Variants in KCNH1 observed in about 807,000 individuals in gnomAD.
KCNH1 encodes potassium voltage-gated channel subfamily H member 1, also known as voltage-gated delayed rectifier potassium channel KCNH1.
Under a neutral mutation model 69.2 loss-of-function variants are expected in KCNH1, and 27 were observed. The ratio of observed to expected loss-of-function variants is 0.39; its 90% CI spans 0.29 to 0.54. The LOEUF (loss-of-function observed/expected upper bound fraction) is 0.54. Among genes scored for constraint, KCNH1 ranks in the 20% least tolerant of loss-of-function variants. The pLI, the probability that KCNH1 is intolerant of heterozygous loss-of-function variation, is 0.68. For synonymous variants in KCNH1, 456 were observed against 487.7 expected (o/e 0.93, Z 0.86); for missense variants, 798 against 1,261.6 (o/e 0.63, Z 5.57).
chr1:210,797,858 C>A, intron 8 of KCNH1, 98 bp from the exon 9 acceptor site: 1 of 1,367,866 alleles, frequency 7.3e-7, no homozygotes, highest in South Asian at 1.4e-5. Context: ...TCCACTACGC[C>A]AGACTGCACT....
At chr1:210,889,617 C>T (rs969534214) in intron 7 of KCNH1, among the ~76,000 whole-genome samples, 2 of 152,204 alleles carry the variant, frequency 1.3e-5, no homozygotes, top group Non-Finnish European at 2.9e-5. Flanking sequence ...GTCAAATTGT[C>T]TCTGTTTGCA....
chr1:210,821,777 A>C (rs1025375213), intron 7 of KCNH1, among the ~76,000 whole-genome samples: 3 of 151,728 alleles, frequency 2.0e-5, no homozygotes, highest in African/African-American at 7.3e-5. Flanking sequence ...TTGGACAACC[A>C]CTTGGTCCAA....
At position 211,107,474 on chromosome 1, in the gene KCNH1, T is replaced by C. The variant is rs548434706; in HGVS notation, c.80-97A>G. On this transcript the variant is annotated intron_variant, in intron 1 of 10. Transcript: ENST00000271751. ...AAATAATGTCAAGCAATCCAGATAT[T>C]TCTGATTCCCTCCAAAACATAGACT... 8.1e-6 allele frequency: 10 copies of C among 1,237,612 alleles called. No individual in the cohort carries two copies. In the African/African-American group the frequency reaches 1.5e-4, roughly 19 times the overall value. 76.7% of individuals were successfully genotyped at this position (1,237,612 alleles called of 1,614,324 possible).
chr1:210,798,820 TG>T (rs1200771231), intron 8 of KCNH1, among the ~76,000 whole-genome samples: 1 of 152,200 alleles, frequency 6.6e-6, no homozygotes, highest in African/African-American at 2.4e-5. Context: ...GATCTACTGA[TG>T]GACTGAATAT....
intron 10 of KCNH1, among the ~76,000 whole-genome samples, chr1:210,734,950 G>A (rs1276134699): frequency 6.6e-6 from 1 of 152,108 alleles, no homozygotes; most frequent in African/African-American, 2.4e-5. Context: ...AAAGCCCTTT[G>A]GTAGCTCCTA....
chr1:210,852,136 C>T (rs1685719877), intron 7 of KCNH1, among the ~76,000 whole-genome samples: 2 of 152,142 alleles, frequency 1.3e-5, no homozygotes, highest in African/African-American at 4.8e-5. Flanking sequence ...TCTGGAGGTA[C>T]AGAAAGCATC....
rs1571639202 is a variant in KCNH1, at chr1:211,090,841, A to T, written c.311-151T>A. On this transcript the variant is annotated intron_variant, in intron 3 of 10. Coordinates refer to ENST00000271751, the MANE Select transcript of KCNH1 (RefSeq NM_172362.3). ...CAAGTGCTGGGTTATCACACCATAA[A>T]TTTTTTTTCTTGCTGGAATAAAAAC... The T allele has an allele frequency of 1.1e-5, 8 of 709,984 alleles. No individual in the cohort carries two copies. In the East Asian group the frequency reaches 2.6e-4, roughly 23 times the overall value. 44.0% of individuals were successfully genotyped at this position (709,984 alleles called of 1,614,324 possible).
intron 6 of KCNH1, among the ~76,000 whole-genome samples, chr1:210,960,784 G>C (rs575934525): frequency 6.6e-6 from 1 of 151,998 alleles, no homozygotes; most frequent in Non-Finnish European, 1.5e-5. Context: ...CAAGTAGCAG[G>C]GTCACATAAT....
intron 7 of KCNH1, among the ~76,000 whole-genome samples, chr1:210,917,297 AACAC>A (rs982943863): frequency 1.3e-5 from 2 of 150,938 alleles, no homozygotes; most frequent in African/African-American, 2.4e-5. Context: ...AAGAAAGAGA[AACAC>A]AGAGAGAGAG....
intron 10 of KCNH1, among the ~76,000 whole-genome samples, chr1:210,705,336 A>C (rs1681882729): frequency 6.6e-6 from 1 of 152,172 alleles, no homozygotes; most frequent in African/African-American, 2.4e-5. Context: ...CAGGCCTCAC[A>C]AGTCTCTCCT....
At chr1:210,713,344 C>CTTAA (rs1682124808) in intron 10 of KCNH1, among the ~76,000 whole-genome samples, 1 of 152,148 alleles carries the variant, frequency 6.6e-6, no homozygotes. Flanking sequence ...GTACCTAGCC[C>CTTAA]TTAATTCCCA....
chr1:210,835,289 G>C (rs575171657), intron 7 of KCNH1, among the ~76,000 whole-genome samples: 2 of 90,872 alleles, frequency 2.2e-5, no homozygotes, highest in East Asian at 4.6e-4. Flanking sequence ...TATTTTGTGA[G>C]ACCAAGTATT....
At chr1:210,949,425 T>G (rs1432875884) in intron 6 of KCNH1, among the ~76,000 whole-genome samples, 2 of 152,202 alleles carry the variant, frequency 1.3e-5, no homozygotes, top group South Asian at 2.1e-4. Context: ...CTCCAAGAAG[T>G]CTTCCTGCAT....
At chr1:210,792,382 T>G (rs1485034364) in intron 9 of KCNH1, among the ~76,000 whole-genome samples, 2 of 152,234 alleles carry the variant, frequency 1.3e-5, no homozygotes, top group African/African-American at 4.8e-5. Flanking sequence ...GCCTAACCTC[T>G]GCCTTCCTTT....
chr1:210,892,886 T>C (rs1014796348), intron 7 of KCNH1, among the ~76,000 whole-genome samples: 2 of 152,206 alleles, frequency 1.3e-5, no homozygotes, highest in Non-Finnish European at 1.5e-5. Flanking sequence ...ATATAGTCCC[T>C]GCCCTAAAGC....
chr1:211,073,830 A>G (rs983728460), intron 5 of KCNH1, among the ~76,000 whole-genome samples: 1 of 152,088 alleles, frequency 6.6e-6, no homozygotes, highest in Admixed American at 6.5e-5. Flanking sequence ...AATCCAAAGT[A>G]AGCAGAAGAA....
intron 7 of KCNH1, among the ~76,000 whole-genome samples, chr1:210,849,182 C>T (rs1685627354): frequency 6.6e-6 from 1 of 152,072 alleles, no homozygotes; most frequent in Non-Finnish European, 1.5e-5. Context: ...ATCCTATAAA[C>T]ATTCTACTAT....
intron 6 of KCNH1, among the ~76,000 whole-genome samples, chr1:210,997,836 G>A (rs1049952523): frequency 5.9e-5 from 9 of 152,242 alleles, no homozygotes; most frequent in African/African-American, 1.7e-4. Flanking sequence ...CTACAAGCCA[G>A]AAGAGAGTGG....
intron 1 of KCNH1, among the ~76,000 whole-genome samples, chr1:211,112,836 T>A (rs1464477030): frequency 6.6e-6 from 1 of 152,138 alleles, no homozygotes; most frequent in Non-Finnish European, 1.5e-5. Context: ...TCTTCCCCCA[T>A]CCCTTCCCCA....
Sources: allele counts gnomAD v4.1 joint callset (sites outside exome capture counted in the v4.1 genomes callset), GRCh38; gene constraint gnomAD v4.1.1; transcripts MANE v1.5; gene names NCBI Gene and HGNC (gene_info 2026-07-23, HGNC 2026-07-21).